SYNJ2: variants seen among roughly 807,000 people sequenced by gnomAD.
SYNJ2 encodes polyphosphatidylinositol phosphatase SYNJ2.
In SYNJ2, 116 loss-of-function variants were observed where a neutral mutation model predicts 141.3. The ratio of observed to expected loss-of-function variants is 0.82; its 90% CI spans 0.71 to 0.96. The LOEUF (loss-of-function observed/expected upper bound fraction) is 0.96. SYNJ2 is among the 40% of genes least tolerant of loss of function. SYNJ2 has a pLI of 0.00. For synonymous variants in SYNJ2, 745 were observed against 777.7 expected (o/e 0.96, Z 0.70); for missense variants, 1,873 against 1,934.8 (o/e 0.97, Z 0.60).
In SYNJ2 at chr6:158,081,127, G is replaced by A; in HGVS notation, c.2586G>A (p.Val862=). The A allele has an allele frequency of 6.2e-7, 1 of 1,614,014 alleles. No homozygotes were observed. Among genetic ancestry groups the A allele is most frequent in the African/African-American group, 1.3e-5 (1 of 75,044 alleles). The change falls in exon 19 of 27, where the codon GTG becomes GTA. Residue 862 remains valine (V), a synonymous_variant. Coordinates refer to ENST00000355585, the MANE Select transcript of SYNJ2 (RefSeq NM_003898.4). ...ASDHRPVLAI[V]EVEVQEVDVG... ...AACGCAGACCTGTGCTGGCGATCGTGGAGGTGGAAGTTCAGGAAGTCGATG... is the reference window on the plus strand; with the variant it reads ...AACGCAGACCTGTGCTGGCGATCGTAGAGGTGGAAGTTCAGGAAGTCGATG...
chr6:158,070,136 G>A lies in SYNJ2; in HGVS notation c.1940+463G>A, dbSNP rs73795225. The stretch of plus-strand genomic sequence containing the variant: ...GTGCATGCTTTGTGAGCATCAGAAA[G>A]GGGGCGAGCTTAGGGGCGGCATTCC... On this transcript the variant is annotated intron_variant, in intron 14 of 26. Transcript: ENST00000355585. The surrounding 1 kb of genome is among the most constrained non-coding windows in gnomAD (Gnocchi z 4.0). 3,907 of 985,600 alleles carry A rather than the reference G, an allele frequency of 4.0e-3. 104 individuals carry two copies. The African/African-American group carries it at 0.063, about 16-fold the overall frequency. The allele number at this position is 985,600 out of a possible 1,614,324, so 61.1% of individuals were successfully genotyped here.
chr6:158,081,152 G>A lies in SYNJ2; in HGVS notation c.2611G>A (p.Val871Met), dbSNP rs1249451988. The A allele has an allele frequency of 2.5e-6, 4 of 1,613,952 alleles. No homozygotes were observed. The highest frequency in any genetic ancestry group is 1.3e-5 in the African/African-American group (1 of 74,930). ...IVEVEVQEVD[V>M]GARERVFQEV... is the part of the protein sequence containing the mutation. ...GGAGGTGGAAGTTCAGGAAGTCGAT[G>A]TGGGTGCTCGGGAGAGGGTTTTCCA... Residue 871 changes from valine to methionine, a missense_variant, in exon 19 of 27, where the codon GTG becomes ATG. Physicochemically the swap from Val to Met is conservative, Grantham distance 21. Coordinates refer to ENST00000355585, the MANE Select transcript of SYNJ2 (RefSeq NM_003898.4).
chr6:158,068,268 TG>T (rs1781688997), intron 12 of SYNJ2, among the ~76,000 whole-genome samples: 1 of 152,114 alleles, frequency 6.6e-6, no homozygotes, highest in South Asian at 2.1e-4. Flanking sequence ...TCCTCCTAGC[TG>T]GACCCTGGGG....
At chr6:158,035,299 C>T (rs1470661800) in intron 4 of SYNJ2, among the ~76,000 whole-genome samples, 3 of 152,146 alleles carry the variant, frequency 2.0e-5, no homozygotes, top group Non-Finnish European at 4.4e-5. Flanking sequence ...GATATTGATT[C>T]TTCTTATCCA....
At chr6:158,052,918 A>C (rs1583414496) in intron 5 of SYNJ2, among the ~76,000 whole-genome samples, 1 of 152,186 alleles carries the variant, frequency 6.6e-6, no homozygotes, top group Non-Finnish European at 1.5e-5. Flanking sequence ...TGTCTCAGTG[A>C]TGTCCTTTGA....
intron 26 of SYNJ2, among the ~76,000 whole-genome samples, chr6:158,095,210 G>GT (rs926966704): frequency 3.3e-5 from 5 of 151,828 alleles, no homozygotes; most frequent in Admixed American, 1.3e-4. Context: ...AGCTTATGTT[G>GT]TAACACAAGT....
In SYNJ2 at chr6:158,063,835, A is replaced by C. The variant is rs775949373; in HGVS notation, c.1172A>C (p.Asp391Ala). The C allele has an allele frequency of 3.8e-5, 62 of 1,613,638 alleles. No homozygotes were observed. Among genetic ancestry groups the C allele is most frequent in the Non-Finnish European group, 5.1e-5 (60 of 1,179,892 alleles). The change falls in exon 9 of 27, where the codon GAC becomes GCC. Residue 391 changes from aspartate to alanine, a missense_variant. Physicochemically the swap from Asp to Ala is moderately radical, Grantham distance 126. Coordinates refer to ENST00000355585, the MANE Select transcript of SYNJ2 (RefSeq NM_003898.4). ...CGGATGAACTGTCTTGACTGCCTGGACCGAACCAACACTGTGCAGAGCTTC... is the reference window on the plus strand; with the variant it reads ...CGGATGAACTGTCTTGACTGCCTGGCCCGAACCAACACTGTGCAGAGCTTC... ...TLRMNCLDCLDRTNTVQSFIA... is the reference protein window; with the variant it reads ...TLRMNCLDCLARTNTVQSFIA...
chr6:158,095,764 T>G lies in SYNJ2; in HGVS notation c.3891T>G (p.Ala1297=). 6.2e-7 allele frequency: 1 copy of G among 1,614,126 alleles called. No homozygotes were observed. The highest frequency in any genetic ancestry group is 2.2e-5 in the East Asian group (1 of 44,868). ...CAAGAACATTTCAGCCTGGGAAAGCTGCAGAGAGGCCAAGCCACAGGAAGC... is the reference window on the plus strand; with the variant it reads ...CAAGAACATTTCAGCCTGGGAAAGCGGCAGAGAGGCCAAGCCACAGGAAGC... The part of the protein sequence containing the change: ...PKPRTFQPGK[A]AERPSHRKPA... The change falls in exon 27 of 27, where the codon GCT becomes GCG. Residue 1297 remains alanine, a synonymous_variant. Transcript: ENST00000355585.
chr6:158,081,355 T>C, intron 19 of SYNJ2, 28 bp downstream of exon 19: 1 of 1,612,052 alleles, frequency 6.2e-7, no homozygotes, highest in Non-Finnish European at 8.5e-7. Context: ...TGATGTGGGT[T>C]CCAGGGGATG....
chr6:158,069,672 A>G lies in SYNJ2; in HGVS notation c.1939A>G (p.Arg647Gly), dbSNP rs1452315117. 1.2e-6 allele frequency: 2 copies of G among 1,609,954 alleles called. No individual in the cohort carries two copies. Among genetic ancestry groups the G allele is most frequent in the African/African-American group, 2.7e-5 (2 of 74,822 alleles). The change falls in exon 14 of 27, where the codon AGG becomes GGG. Residue 647 changes from arginine to glycine, a missense_variant and splice_region_variant. Arg to Gly is a moderately radical substitution (Grantham distance 125). Transcript: ENST00000355585. ...ACGTCCATACCATGTCCCGTTCATCAGGTAAGAACATTCTGTTTACACACA... is the reference window on the plus strand; with the variant it reads ...ACGTCCATACCATGTCCCGTTCATCGGGTAAGAACATTCTGTTTACACACA... ...FVRPYHVPFI[R>G]DVAIDTVKTG...
intron 7 of SYNJ2, among the ~76,000 whole-genome samples, chr6:158,060,377 G>C (rs1230321466): frequency 6.6e-6 from 1 of 152,212 alleles, no homozygotes; most frequent in African/African-American, 2.4e-5. Context: ...AGACGTTCCA[G>C]AATGAGCCAA....
intron 1 of SYNJ2, among the ~76,000 whole-genome samples, chr6:157,986,398 A>G (rs1777206581): frequency 6.6e-6 from 1 of 152,210 alleles, no homozygotes; most frequent in African/African-American, 2.4e-5. Flanking sequence ...CAATGGCGCA[A>G]TCTTGGCTCA....
Position 158,093,104 on chromosome 6 carries a change from G to A in SYNJ2, c.3744G>A (p.Lys1248=). The A allele has an allele frequency of 2.5e-6, 4 of 1,608,462 alleles. No individual in the cohort carries two copies. Among genetic ancestry groups the A allele is most frequent in the South Asian group, 1.1e-5 (1 of 90,480 alleles). The stretch of plus-strand genomic sequence containing the variant: ...AGCCAACCTTGAGAAGGACAGGAAA[G>A]GTAAAAGCCTGGTAACATAAAACCT... ...IKKPTLRRTG[K]PLSPEEQFEQ... is the part of the protein sequence containing the mutation. The change falls in exon 26 of 27, where the codon AAG becomes AAA. Residue 1248 remains lysine (K), a splice_region_variant and synonymous_variant. Coordinates refer to ENST00000355585, the MANE Select transcript of SYNJ2 (RefSeq NM_003898.4).
intron 1 of SYNJ2, among the ~76,000 whole-genome samples, chr6:158,005,151 C>T (rs1269162760): frequency 6.6e-6 from 1 of 150,846 alleles, no homozygotes; most frequent in Non-Finnish European, 1.5e-5. Flanking sequence ...GATCTCGGCT[C>T]ACTGCAAGCT....
intron 1 of SYNJ2, among the ~76,000 whole-genome samples, chr6:157,987,973 C>A (rs1341411393): frequency 6.6e-6 from 1 of 152,242 alleles, no homozygotes; most frequent in Non-Finnish European, 1.5e-5. Context: ...AAGGTCTGGG[C>A]CCTTTGACGG....
At chr6:158,067,239 G>C (rs530097672) in intron 12 of SYNJ2, among the ~76,000 whole-genome samples, 193 of 152,246 alleles carry the variant, frequency 1.3e-3, no homozygotes, top group African/African-American at 4.5e-3. Flanking sequence ...GGCTGGTCTC[G>C]AACTCCTGAC....
chr6:158,063,672 A>C (rs1209241846), intron 8 of SYNJ2, 119 bp from the exon 9 acceptor site: 9 of 587,510 alleles, frequency 1.5e-5, no homozygotes, highest in Non-Finnish European at 2.5e-5. Flanking sequence ...AAAAAAAAAA[A>C]AAAAAAAAAA....
intron 17 of SYNJ2, among the ~76,000 whole-genome samples, chr6:158,077,150 A>T (rs548794217): frequency 8.9e-4 from 136 of 152,034 alleles, no homozygotes; most frequent in Admixed American, 4.5e-3. Context: ...ATGCACCACC[A>T]TGCCCAGCTA....
chr6:158,020,190 T>TGTGACTCTGACTGTGTGACCCCCACCTGC (rs755366228), intron 2 of SYNJ2, among the ~76,000 whole-genome samples: 4 of 128,164 alleles, frequency 3.1e-5, no homozygotes, highest in Admixed American at 2.3e-4. Flanking sequence ...CCCCCACCTG[T>TGTGACTCTGACTGTGTGACCCCCACCTGC]GTGACTCTGA....
Sources: allele counts gnomAD v4.1 joint callset (sites outside exome capture counted in the v4.1 genomes callset), GRCh38; gene constraint gnomAD v4.1.1; non-coding constraint Gnocchi (gnomAD v3.1); transcripts MANE v1.5; gene names NCBI Gene and HGNC (gene_info 2026-07-23, HGNC 2026-07-21).